The following UQCC1 variants were observed in gnomAD, a reference collection of about 807,000 sequenced individuals.
UQCC1 encodes ubiquinol-cytochrome c reductase complex assembly factor 1, also known as bFGF-repressed Zic-binding protein.
Under a neutral mutation model 48.0 loss-of-function variants are expected in UQCC1, and 38 were observed. The observed-to-expected ratio is 0.79, with a 90% CI of 0.61 to 1.04. The LOEUF is 1.04. Among genes scored for constraint, UQCC1 ranks in the 50% least tolerant of loss-of-function variants. The probability of loss-of-function intolerance (pLI) is 0.00; values close to 1 mark genes in which losing one functional copy is unlikely to be tolerated. For missense variants in UQCC1, 368 were observed against 381.8 expected (o/e 0.96, Z 0.30); for synonymous variants, 111 against 129.2 (o/e 0.86, Z 0.95).
At chr20:35,397,275 G>A (rs1252277172) in intron 1 of UQCC1, among the ~76,000 whole-genome samples, 1 of 151,582 alleles carries the variant, frequency 6.6e-6, no homozygotes, top group African/African-American at 2.4e-5. Context: ...CAGCACTTTG[G>A]GAGGCCGAGG....
chr20:35,409,575 A>G (rs1375168266), intron 1 of UQCC1: 1 of 160,680 alleles, frequency 6.2e-6, no homozygotes, highest in Non-Finnish European at 1.4e-5. Flanking sequence ...AATTTTTACT[A>G]TTTCCAAAGA....
chr20:35,352,825 G>A (rs2061504132), intron 6 of UQCC1, among the ~76,000 whole-genome samples: 2 of 152,072 alleles, frequency 1.3e-5, no homozygotes, highest in South Asian at 4.2e-4. Flanking sequence ...TAGGACTACG[G>A]GTGCACGCCA....
chr20:35,305,239 A>T (rs1021770457), intron 9 of UQCC1, among the ~76,000 whole-genome samples: 1 of 152,186 alleles, frequency 6.6e-6, no homozygotes, highest in Non-Finnish European at 1.5e-5. Flanking sequence ...ATGGAGCAGC[A>T]GGTGCTCAAA....
At position 35,395,457 on chromosome 20, in the gene UQCC1, C is replaced by CA. The variant is rs577441185; in HGVS notation, c.25-1262dup. 6.2e-3 allele frequency among the ~76,000 whole-genome samples: 870 copies of CA among 139,498 alleles called. 3 individuals are homozygous for CA. Among genetic ancestry groups the CA allele is most frequent in the Non-Finnish European group, 8.4e-3 (538 of 63,892 alleles). The allele number at this position is 139,498 out of a possible 152,430, so 91.5% of individuals were successfully genotyped here. ...CAACAAAGCGAGACCCCCAGCTATA[C>CA]AAAAAAAAACCCATAAACTCATGTA... is the stretch of plus-strand genomic sequence containing the variant. On this transcript the variant is annotated intron_variant, in intron 1 of 9. Transcript: ENST00000374385.
At chr20:35,405,239 T>C (rs554544295) in intron 1 of UQCC1, among the ~76,000 whole-genome samples, 4 of 152,178 alleles carry the variant, frequency 2.6e-5, no homozygotes, top group African/African-American at 9.7e-5. Flanking sequence ...TTAAAGAAAT[T>C]TGTTTAATCA....
At chr20:35,337,157 C>T (rs1213583829) in intron 7 of UQCC1, among the ~76,000 whole-genome samples, 1 of 151,508 alleles carries the variant, frequency 6.6e-6, no homozygotes, top group Non-Finnish European at 1.5e-5. Context: ...CCCCAGTTTT[C>T]AGAAGATCAA....
At chr20:35,357,718 A>G (rs1427932252) in intron 6 of UQCC1, among the ~76,000 whole-genome samples, 1 of 151,896 alleles carries the variant, frequency 6.6e-6, no homozygotes, top group Non-Finnish European at 1.5e-5. Flanking sequence ...AAAAATAAAT[A>G]AAACAAAGTC....
chr20:35,371,191 T>A (rs1282701539), intron 5 of UQCC1, among the ~76,000 whole-genome samples: 1 of 152,136 alleles, frequency 6.6e-6, no homozygotes, highest in Non-Finnish European at 1.5e-5. Context: ...TACTACAATA[T>A]TAACTGAAGA....
chr20:35,395,892 C>A (rs1476547921), intron 1 of UQCC1, among the ~76,000 whole-genome samples: 1 of 151,860 alleles, frequency 6.6e-6, no homozygotes, highest in East Asian at 1.9e-4. Flanking sequence ...AAGCAGTGGG[C>A]ACGGGCTCCC....
chr20:35,319,560 G>T (rs1452964937), intron 7 of UQCC1, among the ~76,000 whole-genome samples: 2 of 152,170 alleles, frequency 1.3e-5, no homozygotes, highest in Non-Finnish European at 2.9e-5. Context: ...GCAGGCACAA[G>T]GGGCAAAGAA....
intron 2 of UQCC1, 42 bp from the exon 3 acceptor site, chr20:35,384,175 A>T: frequency 6.6e-7 from 1 of 1,524,376 alleles, no homozygotes; most frequent in African/African-American, 1.4e-5. Context: ...CTGAGCACTT[A>T]CAGGGTTAAT....
intron 2 of UQCC1, among the ~76,000 whole-genome samples, chr20:35,391,425 C>T (rs933722079): frequency 1.3e-5 from 2 of 151,990 alleles, no homozygotes; most frequent in East Asian, 3.9e-4. Flanking sequence ...AGTTTGAGAC[C>T]AGCCTGTTCA....
chr20:35,369,742 A>G (rs2061709006), intron 5 of UQCC1, among the ~76,000 whole-genome samples: 1 of 152,260 alleles, frequency 6.6e-6, no homozygotes, highest in Admixed American at 6.5e-5. Flanking sequence ...GTATTAAGTT[A>G]GTAGGTACTC....
chr20:35,393,922 G>C (rs921500625), intron 2 of UQCC1, among the ~76,000 whole-genome samples, 170 bp downstream of exon 2: 1 of 152,050 alleles, frequency 6.6e-6, no homozygotes, highest in African/African-American at 2.4e-5. Flanking sequence ...TAGAAGCAAC[G>C]CCCTAGACAC....
intron 6 of UQCC1, among the ~76,000 whole-genome samples, chr20:35,354,748 A>C (rs574804088): frequency 6.6e-6 from 1 of 152,332 alleles, no homozygotes; most frequent in African/African-American, 2.4e-5. Context: ...TAAGTTCAAC[A>C]GACCTTTTAT....
At chr20:35,314,832 C>T (rs1298436691) in intron 7 of UQCC1, 67 bp from the exon 8 acceptor site, 18 of 1,308,564 alleles carry the variant, frequency 1.4e-5, no homozygotes, top group Non-Finnish European at 1.9e-5. Flanking sequence ...AAAGTATGAT[C>T]TTTGACTCTT....
intron 2 of UQCC1, among the ~76,000 whole-genome samples, chr20:35,385,927 C>T (rs370654742): frequency 2.6e-5 from 4 of 151,624 alleles, no homozygotes; most frequent in Non-Finnish European, 2.9e-5. Context: ...CCCCTTCCCC[C>T]ACATGCACAG....
intron 2 of UQCC1, among the ~76,000 whole-genome samples, chr20:35,391,759 A>T (rs2062017490): frequency 6.6e-6 from 1 of 152,120 alleles, no homozygotes; most frequent in Non-Finnish European, 1.5e-5. Context: ...GAACAAATAG[A>T]CTAATTAATA....
intron 4 of UQCC1, among the ~76,000 whole-genome samples, chr20:35,378,882 T>C (rs1416586800): frequency 3.9e-5 from 6 of 152,236 alleles, no homozygotes; most frequent in Non-Finnish European, 5.9e-5. Flanking sequence ...ATACCTTCTT[T>C]TTTTCACATT....
Sources: allele counts gnomAD v4.1 joint callset (sites outside exome capture counted in the v4.1 genomes callset), GRCh38; gene constraint gnomAD v4.1.1; transcripts MANE v1.5; gene names NCBI Gene and HGNC (gene_info 2026-07-23, HGNC 2026-07-21).